The following MAMLD1 variants were observed in gnomAD, a reference collection of about 807,000 sequenced individuals.
The protein encoded by MAMLD1 is mastermind like domain containing 1.
MAMLD1 carries 14 observed loss-of-function variants against 45.0 expected under a neutral mutation model. The observed-to-expected ratio is 0.31, with a 90% CI of 0.21 to 0.49. The LOEUF (loss-of-function observed/expected upper bound fraction) is 0.49, where lower values mean the gene tolerates loss of function less well. Ranked by LOEUF, MAMLD1 falls within the 20% of genes least tolerant of loss-of-function variation. The pLI, the probability that MAMLD1 is intolerant of heterozygous loss-of-function variation, is 0.99. For missense variants in MAMLD1, 543 were observed against 603.6 expected, an observed-to-expected ratio of 0.90 and a Z score of 1.05; for synonymous variants, 254 against 247.8, an observed-to-expected ratio of 1.02 and a Z score of -0.24.
At chrX:150,396,819 CAGAAT>C (rs1233353167) in intron 1 of MAMLD1, among the ~76,000 whole-genome samples, 1 of 111,633 alleles carries the variant, frequency 9.0e-6, no homozygotes, top group African/African-American at 3.3e-5. Flanking sequence ...GTGTCCTGTC[CAGAAT>C]ATATGGGAGT....
chrX:150,388,463 C>T (rs2033029215), intron 1 of MAMLD1, among the ~76,000 whole-genome samples: 1 of 111,606 alleles, frequency 9.0e-6, no homozygotes, highest in Non-Finnish European at 1.9e-5. Context: ...TAAAATTCTC[C>T]AATGAAGCCA....
At chrX:150,473,529 C>T in intron 4 of MAMLD1, 151 bp from the exon 5 acceptor site, 2 of 542,367 alleles carry the variant, frequency 3.7e-6, no homozygotes, top group Admixed American at 5.0e-5. Flanking sequence ...GGGAGTTGGT[C>T]GTTTGATAGA....
chrX:150,365,037 C>G (rs905534871), intron 1 of MAMLD1, among the ~76,000 whole-genome samples: 1 of 112,206 alleles, frequency 8.9e-6, no homozygotes, highest in African/African-American at 3.2e-5. Context: ...GCTCTGGGCC[C>G]CTGGAGGCCG....
chrX:150,481,980 GA>G (rs782610933), intron 5 of MAMLD1, among the ~76,000 whole-genome samples: 3 of 86,220 alleles, frequency 3.5e-5, no homozygotes, highest in African/African-American at 1.5e-4. Context: ...AAGAAAGAAA[GA>G]AAGAAAGAAA....
chrX:150,377,671 A>ACT (rs1286149989), intron 1 of MAMLD1, among the ~76,000 whole-genome samples: 1 of 109,238 alleles, frequency 9.2e-6, no homozygotes, highest in African/African-American at 3.3e-5. Flanking sequence ...ATCACTTCTA[A>ACT]CTCTTTTTTT....
chrX:150,469,963 G>C lies in MAMLD1; in HGVS notation c.390G>C (p.Leu130=). 8.3e-7 allele frequency: 1 copy of C among 1,211,603 alleles called. No individual in the cohort carries two copies. The highest frequency in any genetic ancestry group is 1.1e-6 in the Non-Finnish European group (1 of 895,476). Residue 130 remains leucine, a synonymous_variant, in exon 4 of 8, where the codon CTG becomes CTC. Coordinates refer to ENST00000370401, the MANE Select transcript of MAMLD1 (RefSeq NM_005491.5). ...TGGGAGTGGCTGGCCAGTCATTACTGCTGGAGAATAACCCTATGAATGGCA... is the reference window on the plus strand; with the variant it reads ...TGGGAGTGGCTGGCCAGTCATTACTCCTGGAGAATAACCCTATGAATGGCA... ...AAMGVAGQSL[L]LENNPMNGNI...
chrX:150,489,771 G>C (rs1557407862), intron 5 of MAMLD1, among the ~76,000 whole-genome samples: 1 of 109,864 alleles, frequency 9.1e-6, no homozygotes, highest in African/African-American at 3.3e-5. Flanking sequence ...CAAAAGTCAG[G>C]CACCCGTATC....
chrX:150,406,589 G>A (rs782704180), intron 1 of MAMLD1, among the ~76,000 whole-genome samples: 5 of 112,028 alleles, frequency 4.5e-5, no homozygotes, highest in African/African-American at 1.6e-4. Flanking sequence ...TTTCCATCAA[G>A]ATAGTAACAC....
chrX:150,418,187 AT>A (rs1321257682), intron 1 of MAMLD1, among the ~76,000 whole-genome samples: 5 of 111,789 alleles, frequency 4.5e-5, no homozygotes, highest in African/African-American at 1.3e-4. Context: ...GTGTCCAGGA[AT>A]TTATCCATTT....
chrX:150,468,978 A>AGTGTGTGTGTGTGTGT lies in MAMLD1; in HGVS notation c.172-754_172-739dup, dbSNP rs67617988. ...TTGTGTACACATAGCAATGTGTGAG[A>AGTGTGTGTGTGTGTGT]GTGTGTGTGTGTGTGTGTGTGTGTG... On this transcript the variant is annotated intron_variant, in intron 3 of 7. Coordinates refer to ENST00000370401, the MANE Select transcript of MAMLD1 (RefSeq NM_005491.5). Among the ~76,000 whole-genome samples the AGTGTGTGTGTGTGTGT allele has an allele frequency of 1.6e-3, 158 of 100,715 alleles. 1 individual carries two copies. Among genetic ancestry groups the AGTGTGTGTGTGTGTGT allele is most frequent in the African/African-American group, 3.0e-3 (83 of 27,570 alleles). The allele number at this position is 100,715 out of a possible 115,157, so 87.5% of individuals were successfully genotyped here. A position where few individuals can be genotyped will look rare whatever the true frequency, so the allele number is the denominator to read the frequency against.
intron 1 of MAMLD1, among the ~76,000 whole-genome samples, chrX:150,417,044 T>C (rs926346283): frequency 9.0e-6 from 1 of 110,965 alleles, no homozygotes; most frequent in Non-Finnish European, 1.9e-5. Flanking sequence ...AGTTTTAGGG[T>C]ACATGTTCAC....
At chrX:150,367,588 T>C (rs1381694804) in intron 1 of MAMLD1, among the ~76,000 whole-genome samples, 2 of 112,124 alleles carry the variant, frequency 1.8e-5, no homozygotes, top group Admixed American at 9.4e-5. Flanking sequence ...CTTTAAGTTC[T>C]AGGGTACATG....
chrX:150,424,077 A>T (rs1215955461), intron 1 of MAMLD1, among the ~76,000 whole-genome samples: 1 of 112,521 alleles, frequency 8.9e-6, no homozygotes, highest in Non-Finnish European at 1.9e-5. Flanking sequence ...CCCAAGTTCC[A>T]GAAAACTCTG....
At chrX:150,493,917 A>G (rs1051848095) in intron 5 of MAMLD1, among the ~76,000 whole-genome samples, 12 of 112,443 alleles carry the variant, frequency 1.1e-4, no homozygotes, top group Admixed American at 9.5e-4. Flanking sequence ...TAATATATAA[A>G]TAATCCAGAA....
In MAMLD1 at chrX:150,512,026, C is replaced by T. The variant is rs1557409136; in HGVS notation, c.*67C>T. On this transcript the variant is annotated 3_prime_UTR_variant, in exon 8 of 8. Coordinates refer to ENST00000370401, the MANE Select transcript of MAMLD1 (RefSeq NM_005491.5). ...TAGCCGTCCAAGAACAAGTCACCTC[C>T]AAGTGTAGCCGGATCAAGGCAAGCC... is the stretch of plus-strand genomic sequence containing the variant. 5 of 1,100,552 alleles carry T rather than the reference C, an allele frequency of 4.5e-6. No individual in the cohort carries two copies. The highest frequency in any genetic ancestry group is 2.5e-4 in the Middle Eastern group (1 of 4,072). The allele number at this position is 1,100,552 out of a possible 1,213,427, so 90.7% of individuals were successfully genotyped here.
chrX:150,462,275 T>C (rs1484162403), intron 2 of MAMLD1, among the ~76,000 whole-genome samples: 2 of 112,154 alleles, frequency 1.8e-5, no homozygotes, highest in African/African-American at 6.5e-5. Context: ...GAAATTGGGA[T>C]CCCTGCACCG....
chrX:150,467,262 C>T (rs1557406022), intron 3 of MAMLD1, among the ~76,000 whole-genome samples: 1 of 112,313 alleles, frequency 8.9e-6, no homozygotes, highest in African/African-American at 3.2e-5. Flanking sequence ...TTGTAGGTTA[C>T]TCCATAATGG....
intron 5 of MAMLD1, among the ~76,000 whole-genome samples, chrX:150,499,328 T>C (rs2148351882): frequency 8.9e-6 from 1 of 112,375 alleles, no homozygotes; most frequent in Non-Finnish European, 1.9e-5. Flanking sequence ...AGTGCACTAC[T>C]ATAACCTTGC....
intron 1 of MAMLD1, among the ~76,000 whole-genome samples, chrX:150,438,423 A>G (rs1602800734): frequency 8.9e-6 from 1 of 112,350 alleles, no homozygotes; most frequent in Non-Finnish European, 1.9e-5. Flanking sequence ...TACATTCACA[A>G]TGTTATGCAA....
Sources: gnomAD v4.1 joint callset for allele counts (sites outside exome capture counted in the v4.1 genomes callset) on GRCh38, gnomAD v4.1.1 for gene constraint, MANE v1.5 for transcripts, NCBI Gene and HGNC (gene_info 2026-07-23, HGNC 2026-07-21) for gene names.